SCFD2: variants seen among roughly 807,000 people sequenced by gnomAD.
SCFD2 encodes the protein sec1 family domain-containing protein 2.
Under a neutral mutation model 58.9 loss-of-function variants are expected in SCFD2, and 54 were observed. That is an observed-to-expected ratio of 0.92 (90% CI 0.74 to 1.15). The LOEUF is 1.15. Ranked by LOEUF, SCFD2 falls within the 50% of genes most tolerant of loss-of-function variation. The pLI, the probability that SCFD2 is intolerant of heterozygous loss-of-function variation, is 0.00. For synonymous variants in SCFD2, 321 were observed against 335.9 expected, an observed-to-expected ratio of 0.96 and a Z score of 0.49; for missense variants, 805 against 836.6, an observed-to-expected ratio of 0.96 and a Z score of 0.47.
intron 3 of SCFD2, among the ~76,000 whole-genome samples, chr4:53,313,021 G>GA (rs1282392816): frequency 1.3e-5 from 2 of 151,258 alleles, no homozygotes; most frequent in African/African-American, 4.9e-5. Context: ...TTGATCAAAA[G>GA]AAAAAAAGCC....
intron 4 of SCFD2, among the ~76,000 whole-genome samples, chr4:53,218,985 T>C (rs1375265483): frequency 6.6e-6 from 1 of 152,170 alleles, no homozygotes; most frequent in Non-Finnish European, 1.5e-5. Flanking sequence ...TGTTGCCTGA[T>C]CGTTCCTCTG....
intron 4 of SCFD2, among the ~76,000 whole-genome samples, chr4:53,249,487 T>C (rs529012241): frequency 8.5e-5 from 13 of 152,124 alleles, no homozygotes; most frequent in African/African-American, 2.9e-4. Flanking sequence ...GAAGAGCAAC[T>C]CCAAGACACA....
intron 5 of SCFD2, among the ~76,000 whole-genome samples, chr4:52,928,612 T>G (rs1191004212): frequency 1.3e-5 from 2 of 152,210 alleles, no homozygotes; most frequent in Non-Finnish European, 2.9e-5. Flanking sequence ...GCTCCCCGAC[T>G]ATGCTGATCC....
At chr4:53,238,609 C>T (rs892797668) in intron 4 of SCFD2, among the ~76,000 whole-genome samples, 43 of 149,586 alleles carry the variant, frequency 2.9e-4, no homozygotes, top group Middle Eastern at 3.6e-3. Flanking sequence ...CCAGACGGGG[C>T]GGCTGCCAGG....
intron 5 of SCFD2, among the ~76,000 whole-genome samples, chr4:53,057,139 C>A (rs74715466): frequency 0.19 from 29,595 of 151,982 alleles, 3,471 homozygotes; most frequent in Non-Finnish European, 0.27. Flanking sequence ...GAGCTGAGAT[C>A]GCACCACTGC....
At chr4:53,293,356 T>G (rs936235362) in intron 3 of SCFD2, among the ~76,000 whole-genome samples, 1 of 150,720 alleles carries the variant, frequency 6.6e-6, no homozygotes, top group Non-Finnish European at 1.5e-5. Flanking sequence ...TAATGCATGG[T>G]GGGCATAATA....
At chr4:53,268,742 C>T (rs1051415884) in intron 4 of SCFD2, among the ~76,000 whole-genome samples, 1 of 151,874 alleles carries the variant, frequency 6.6e-6, no homozygotes, top group Admixed American at 6.6e-5. Flanking sequence ...GAAGAGCATC[C>T]CTATGGGGAG....
intron 5 of SCFD2, among the ~76,000 whole-genome samples, chr4:52,979,572 T>C (rs894489354): frequency 6.6e-6 from 1 of 152,046 alleles, no homozygotes; most frequent in Non-Finnish European, 1.5e-5. Context: ...AAAATCAACA[T>C]AGGATTCTGA....
intron 2 of SCFD2, among the ~76,000 whole-genome samples, chr4:53,346,639 T>C (rs544567364): frequency 6.6e-6 from 1 of 152,308 alleles, no homozygotes; most frequent in East Asian, 1.9e-4. Flanking sequence ...AGTTCACTAG[T>C]ACATCTTAAA....
chr4:53,177,863 C>T (rs1727392536), intron 4 of SCFD2, among the ~76,000 whole-genome samples: 2 of 152,314 alleles, frequency 1.3e-5, no homozygotes, highest in South Asian at 2.1e-4. Flanking sequence ...ATATCCTGCA[C>T]CTGGCTCAGA....
At chr4:52,959,882 G>A (rs1720804015) in intron 5 of SCFD2, among the ~76,000 whole-genome samples, 1 of 120,982 alleles carries the variant, frequency 8.3e-6, no homozygotes, top group Non-Finnish European at 1.7e-5. Context: ...GAGGAAGAGA[G>A]AGACTCCAAA....
At chr4:53,040,429 T>C (rs1474173832) in intron 5 of SCFD2, among the ~76,000 whole-genome samples, 1 of 152,114 alleles carries the variant, frequency 6.6e-6, no homozygotes, top group Non-Finnish European at 1.5e-5. Flanking sequence ...TCTCCAACCA[T>C]ACCTCAATTT....
chr4:53,068,168 T>A (rs939939189), intron 5 of SCFD2, among the ~76,000 whole-genome samples: 1 of 151,512 alleles, frequency 6.6e-6, no homozygotes, highest in Admixed American at 6.7e-5. Flanking sequence ...AAAATTTTCA[T>A]AGATATTTTT....
chr4:53,152,905 C>CA lies in SCFD2; in HGVS notation c.1312-7324dup, dbSNP rs1232946869. Among the ~76,000 whole-genome samples, 8 of 151,512 alleles carry CA rather than the reference C, an allele frequency of 5.3e-5. No homozygotes were observed. The East Asian group carries it at 5.8e-4, about 11-fold the overall frequency. On this transcript the variant is annotated intron_variant, in intron 4 of 8. Transcript: ENST00000401642. ...GGGCAGACATTAAACCTTAATGCTC[C>CA]AAAAAAAAATCTTTGACTCTATGTC...
intron 3 of SCFD2, among the ~76,000 whole-genome samples, chr4:53,279,702 C>T (rs1207564752): frequency 1.3e-5 from 2 of 152,060 alleles, no homozygotes; most frequent in South Asian, 2.1e-4. Flanking sequence ...CGAGACTGGA[C>T]AATTTAAAAA....
chr4:53,272,638 G>A (rs1731208452), intron 4 of SCFD2, among the ~76,000 whole-genome samples: 1 of 151,766 alleles, frequency 6.6e-6, no homozygotes, highest in South Asian at 2.1e-4. Flanking sequence ...ACTCATAGGT[G>A]GGAATTGAAA....
intron 5 of SCFD2, among the ~76,000 whole-genome samples, chr4:53,061,938 G>A (rs1723524317): frequency 6.6e-6 from 1 of 152,136 alleles, no homozygotes; most frequent in Non-Finnish European, 1.5e-5. Context: ...GACAGAGGGT[G>A]AGAGAGCTAG....
intron 5 of SCFD2, among the ~76,000 whole-genome samples, chr4:53,122,208 C>T (rs544101773): frequency 5.9e-5 from 9 of 152,126 alleles, no homozygotes; most frequent in Non-Finnish European, 1.3e-4. Flanking sequence ...GAAACCCCAT[C>T]TCCACTAAAA....
intron 5 of SCFD2, among the ~76,000 whole-genome samples, chr4:53,134,419 T>C (rs1418568817): frequency 2.0e-5 from 3 of 152,088 alleles, no homozygotes; most frequent in Non-Finnish European, 2.9e-5. Context: ...TCATTTGTTA[T>C]ACATGGTTGA....
Sources: gnomAD v4.1 joint callset for allele counts (sites outside exome capture counted in the v4.1 genomes callset) on GRCh38, gnomAD v4.1.1 for gene constraint, MANE v1.5 for transcripts, NCBI Gene and HGNC (gene_info 2026-07-23, HGNC 2026-07-21) for gene names.